The following ITIH3 variants were observed in gnomAD, a reference collection of about 807,000 sequenced individuals.
ITIH3 encodes the protein inter-alpha-trypsin inhibitor heavy chain H3.
ITIH3 carries 81 observed loss-of-function variants against 96.5 expected under a neutral mutation model. The observed-to-expected ratio is 0.84, with a 90% CI of 0.70 to 1.01. The LOEUF is 1.01. Among genes scored for constraint, ITIH3 ranks in the 50% least tolerant of loss-of-function variants. ITIH3 has a pLI of 0.00. For synonymous variants in ITIH3, 422 were observed against 445.2 expected, an observed-to-expected ratio of 0.95 and a Z score of 0.66; for missense variants, 1,057 against 1,139.3, an observed-to-expected ratio of 0.93 and a Z score of 1.04.
chr3:52,798,923 G>T, intron 6 of ITIH3, 43 bp from the exon 7 acceptor site: 1 of 1,605,498 alleles, frequency 6.2e-7, no homozygotes, highest in Non-Finnish European at 8.5e-7. Context: ...CAGTGGGCAG[G>T]CCCTGGCCGA....
intron 11 of ITIH3, chr3:52,802,104 T>A (rs981706721): frequency 6.2e-5 from 30 of 480,002 alleles, no homozygotes; most frequent in African/African-American, 5.2e-4. Context: ...TTTTTTTTTT[T>A]AATAGGAAAT....
intron 13 of ITIH3, among the ~76,000 whole-genome samples, chr3:52,803,499 A>C (rs192912382): frequency 1.3e-5 from 2 of 151,846 alleles, no homozygotes; most frequent in African/African-American, 4.8e-5. Flanking sequence ...TTGTATTTTT[A>C]GTAGAGATGG....
chr3:52,805,786 C>G, intron 15 of ITIH3, 22 bp from the exon 16 acceptor site: 1 of 1,613,822 alleles, frequency 6.2e-7, no homozygotes, highest in Non-Finnish European at 8.5e-7. Context: ...ACCCTGCTCA[C>G]CACTGCCCTT....
rs1006931447 is a variant in ITIH3 at position 52,805,960 on chromosome 3, G to C, written c.1906+120G>C. 11 of 1,523,800 alleles carry C rather than the reference G, an allele frequency of 7.2e-6. No individual in the cohort carries two copies. In the Admixed American group the frequency reaches 1.9e-4, roughly 27 times the overall value. 94.4% of individuals were successfully genotyped at this position (1,523,800 alleles called of 1,614,324 possible). A position where few individuals can be genotyped will look rare whatever the true frequency, so the allele number is the denominator to read the frequency against. ...GATGGGCAGATGGACAATGTGCCCT[G>C]AGGAGATTGCGGGGTGGGAGGGCAA... On this transcript the variant is annotated intron_variant, in intron 16 of 21. Coordinates refer to ENST00000449956, the MANE Select transcript of ITIH3 (RefSeq NM_002217.4).
At chr3:52,807,973 T>G in intron 20 of ITIH3, 57 bp downstream of exon 20, 19 of 1,589,768 alleles carry the variant, frequency 1.2e-5, no homozygotes, top group Non-Finnish European at 1.5e-5. Context: ...GGGAAAGACA[T>G]ACACAAGGCC....
In ITIH3 at chr3:52,794,903, C is replaced by G. The variant is rs1182756191; in HGVS notation, c.93+7C>G. The G allele has an allele frequency of 1.2e-6, 2 of 1,610,136 alleles. No homozygotes were observed. Among genetic ancestry groups the G allele is most frequent in the Non-Finnish European group, 1.7e-6 (2 of 1,176,594 alleles). On this transcript the variant is annotated splice_region_variant and intron_variant, in intron 1 of 21. Coordinates refer to ENST00000449956, the MANE Select transcript of ITIH3 (RefSeq NM_002217.4). ...CCCCTTTCGGCTGCTTGGGGTGAGT[C>G]TGCCCCCTCTTTGCCATCTGGGTCT...
Position 52,802,525 on chromosome 3 carries a change from T to A in ITIH3, c.1569+6T>A. Reference sequence around the variant, plus strand: ...CAGATGTGAAGGGCCATGGGGTGAGTGGGGACAGGGCCTGGAAGTGTGCTG... The same window carrying A: ...CAGATGTGAAGGGCCATGGGGTGAGAGGGGACAGGGCCTGGAAGTGTGCTG... On this transcript the variant is annotated splice_donor_region_variant and intron_variant, in intron 12 of 21. Coordinates refer to ENST00000449956, the MANE Select transcript of ITIH3 (RefSeq NM_002217.4). 6.2e-7 allele frequency: 1 copy of A among 1,613,110 alleles called. No homozygotes were observed.
chr3:52,799,542 ATTTT>A, intron 8 of ITIH3, 54 bp downstream of exon 8: 1 of 1,097,828 alleles, frequency 9.1e-7, no homozygotes, highest in Non-Finnish European at 1.3e-6. Flanking sequence ...GGTGGAAGAG[ATTTT>A]TTTTTTTAAC....
At position 52,797,277 on chromosome 3, in the gene ITIH3, C is replaced by T. The variant is rs994518007; in HGVS notation, c.549+10C>T. 1.5e-5 allele frequency: 24 copies of T among 1,597,422 alleles called. No homozygotes were observed. The highest frequency in any genetic ancestry group is 2.1e-4 in the Middle Eastern group (1 of 4,736). Reference sequence around the variant, plus strand: ...GGTCAAACACTTTGAGGTAATCAACCGCCCCTGCAGACCTGGGGGGACGGC... The same window carrying T: ...GGTCAAACACTTTGAGGTAATCAACTGCCCCTGCAGACCTGGGGGGACGGC... On this transcript the variant is annotated intron_variant, in intron 5 of 21. Coordinates refer to ENST00000449956, the MANE Select transcript of ITIH3 (RefSeq NM_002217.4).
chr3:52,808,270 A>G (rs890826276), intron 21 of ITIH3, 49 bp downstream of exon 21: 27 of 1,461,882 alleles, frequency 1.8e-5, no homozygotes, highest in Non-Finnish European at 2.6e-5. Context: ...CGAGAGGAGG[A>G]AAGAGCACCT....
At position 52,801,033 on chromosome 3, in the gene ITIH3, A is replaced by G. The variant is rs767484481; in HGVS notation, c.1270A>G (p.Asn424Asp). Residue 424 changes from asparagine (N) to aspartate (D), a missense_variant, in exon 11 of 22, where the codon AAC (asparagine) becomes GAC (aspartate). Asn to Asp is a conservative substitution (Grantham distance 23). Transcript: ENST00000449956. ...CATCGGGGGCAAGTTCCCCTTGTAT[A>G]ACCTGGGCTTTGGCAACAATCTGAA... Reference protein sequence around the residue: ...NAIGGKFPLYNLGFGNNLNYN... With the variant: ...NAIGGKFPLYDLGFGNNLNYN... 1.2e-6 allele frequency: 2 copies of G among 1,614,046 alleles called. No individual in the cohort carries two copies. The highest frequency in any genetic ancestry group is 1.1e-5 in the South Asian group (1 of 91,070).
rs112611952 is a variant in ITIH3, at chr3:52,802,477, C to A, written c.1527C>A (p.Asp509Glu). The change falls in exon 12 of 22, where the codon GAC becomes GAA. Residue 509 changes from aspartate (D) to glutamate (E), a missense_variant. Physicochemically the swap from Asp to Glu is conservative, Grantham distance 45 (BLOSUM62 2). Coordinates refer to ENST00000449956, the MANE Select transcript of ITIH3 (RefSeq NM_002217.4). ...SEIVVAGRLV[D>E]EDMNSFKADV... ...TCGTGGTGGCCGGGCGCCTGGTGGA[C>A]GAGGACATGAACAGCTTTAAGGCAG... The A allele has an allele frequency of 3.7e-6, 6 of 1,613,742 alleles. No individual in the cohort carries two copies. In the African/African-American group the frequency reaches 8.0e-5, roughly 22 times the overall value.
intron 14 of ITIH3, 113 bp from the exon 15 acceptor site, chr3:52,804,612 TG>T: frequency 9.0e-7 from 1 of 1,112,622 alleles, no homozygotes. Context: ...AGCTGGCTGC[TG>T]GGAGGCCCAC....
rs1234779267 is a variant in ITIH3 at position 52,806,292 on chromosome 3, G to A, written c.1943-1G>A. 1.2e-6 allele frequency: 2 copies of A among 1,613,306 alleles called. No individual in the cohort carries two copies. The highest frequency in any genetic ancestry group is 2.7e-5 in the African/African-American group (2 of 74,916). Reference sequence around the variant, plus strand: ...CAGCTCCTTCTCTAATGTGTCACCAGTGGACGGGGATCCCCACTTCATCAT... The same window carrying A: ...CAGCTCCTTCTCTAATGTGTCACCAATGGACGGGGATCCCCACTTCATCAT... On this transcript the variant is annotated splice_acceptor_variant, in intron 17 of 21. Transcript: ENST00000449956. LOFTEE classifies it high-confidence loss of function.
chr3:52,795,809 C>A, intron 2 of ITIH3, 186 bp downstream of exon 2: 1 of 577,596 alleles, frequency 1.7e-6, no homozygotes, highest in Non-Finnish European at 3.0e-6. Context: ...AGTGACGACC[C>A]CTCCAACCTC....
chr3:52,795,657 G>A lies in ITIH3; in HGVS notation c.114+34G>A, dbSNP rs749053403. 3.1e-6 allele frequency: 5 copies of A among 1,605,446 alleles called. No homozygotes were observed. The African/African-American group carries it at 5.3e-5, about 17-fold the overall frequency. On this transcript the variant is annotated intron_variant, in intron 2 of 21. Coordinates refer to ENST00000449956, the MANE Select transcript of ITIH3 (RefSeq NM_002217.4). ...TTTCACCAGGGGGTGGGACCGAGTG[G>A]GGCAGGGCAGGATGGAGCTGGTTCC... is the stretch of plus-strand genomic sequence containing the variant.
chr3:52,808,232 T>A lies in ITIH3; in HGVS notation c.2543+11T>A. ...GCTGATTGTCACCAGGTGAGGAGAC[T>A]TCTCCCACACCCTCACCTGCTCAGC... On this transcript the variant is annotated intron_variant, in intron 21 of 21. Transcript: ENST00000449956. The A allele has an allele frequency of 6.3e-7, 1 of 1,598,836 alleles. No homozygotes were observed. The highest frequency in any genetic ancestry group is 2.2e-5 in the East Asian group (1 of 44,818).
At chr3:52,800,910 G>T in intron 10 of ITIH3, 55 bp from the exon 11 acceptor site, 1 of 1,609,228 alleles carries the variant, frequency 6.2e-7, no homozygotes, top group South Asian at 1.1e-5. Flanking sequence ...GACAGAGCTG[G>T]TCTAGACCAT....
In ITIH3 at chr3:52,803,024, C is replaced by T. The variant is rs1046766957; in HGVS notation, c.1709+218C>T. Among the ~76,000 whole-genome samples the T allele has an allele frequency of 4.6e-5, 7 of 152,314 alleles. No individual in the cohort carries two copies. In the South Asian group the frequency reaches 8.3e-4, roughly 18 times the overall value. On this transcript the variant is annotated intron_variant, in intron 13 of 21. Transcript: ENST00000449956. ...CCTGGCCAGCAGCCTGGGAGTGCCC[C>T]GGGGTAGGGGGGACTTCAGCACCCT...
Sources: gnomAD v4.1 joint callset for allele counts (sites outside exome capture counted in the v4.1 genomes callset) on GRCh38, gnomAD v4.1.1 for gene constraint, MANE v1.5 for transcripts, NCBI Gene and HGNC (gene_info 2026-07-23, HGNC 2026-07-21) for gene names.